Variants in RBFOX3 observed in about 807,000 individuals in gnomAD.
RBFOX3 encodes the protein RNA binding protein fox-1 homolog 3.
In RBFOX3, 17 loss-of-function variants were observed where a neutral mutation model predicts 48.7. The ratio of observed to expected loss-of-function variants is 0.35; its 90% confidence interval spans 0.24 to 0.52. The LOEUF (loss-of-function observed/expected upper bound fraction) is 0.52. Among genes scored for constraint, RBFOX3 ranks in the 20% least tolerant of loss-of-function variants. The probability of loss-of-function intolerance (pLI) is 0.94; values close to 1 mark genes in which losing one functional copy is unlikely to be tolerated. For synonymous variants in RBFOX3, 212 were observed against 209.5 expected (o/e 1.01, Z -0.10); for missense variants, 382 against 497.5 (o/e 0.77, Z 2.21).
At chr17:79,165,992 T>C (rs1442170269) in intron 4 of RBFOX3, among the ~76,000 whole-genome samples, 2 of 152,326 alleles carry the variant, frequency 1.3e-5, no homozygotes, top group East Asian at 3.9e-4. Flanking sequence ...GGGAGGGATG[T>C]GTCCACAGGC....
chr17:79,149,444 T>C (rs989758199), intron 4 of RBFOX3, among the ~76,000 whole-genome samples: 5 of 152,118 alleles, frequency 3.3e-5, no homozygotes, highest in Non-Finnish European at 5.9e-5. Context: ...CGGGCATTGC[T>C]GTCCTGGGGG....
At chr17:79,169,481 AC>A (rs1297170954) in intron 4 of RBFOX3, among the ~76,000 whole-genome samples, 2 of 151,568 alleles carry the variant, frequency 1.3e-5, no homozygotes, top group Non-Finnish European at 3.0e-5. Flanking sequence ...CACACACCCC[AC>A]CCAGGACCCA....
chr17:79,370,425 C>A (rs1418059531), intron 2 of RBFOX3, among the ~76,000 whole-genome samples: 1 of 152,222 alleles, frequency 6.6e-6, no homozygotes. Context: ...CACATGCTCA[C>A]ATACACATGC....
At chr17:79,217,320 G>A (rs544465052) in intron 4 of RBFOX3, among the ~76,000 whole-genome samples, 13 of 152,298 alleles carry the variant, frequency 8.5e-5, no homozygotes, top group African/African-American at 2.9e-4. Flanking sequence ...ATGTTCACTC[G>A]AGGATGGGAG....
intron 9 of RBFOX3, chr17:79,097,958 C>G (rs1224804917): frequency 3.4e-6 from 2 of 588,650 alleles, no homozygotes; most frequent in African/African-American, 3.7e-5. Context: ...GCCTGGGGGT[C>G]TGCTAGGATT....
At chr17:79,187,172 A>G (rs570663799) in intron 4 of RBFOX3, among the ~76,000 whole-genome samples, 8 of 152,166 alleles carry the variant, frequency 5.3e-5, no homozygotes, top group Non-Finnish European at 1.2e-4. Context: ...TTGGGGGAGT[A>G]TTTCTTTTGA....
At chr17:79,219,221 G>A (rs1015426959) in intron 4 of RBFOX3, among the ~76,000 whole-genome samples, 1 of 152,200 alleles carries the variant, frequency 6.6e-6, no homozygotes, top group African/African-American at 2.4e-5. Context: ...CGGATGTGGG[G>A]TTGCCCCTGC....
rs139210115 is a variant in RBFOX3 at position 79,167,695 on chromosome 17, C to T, written c.-33-51947G>A. ...GTGGGTCCCCTGCAGTCCCGCCACC[C>T]GTCTAGATTCCTCGCTTTAAATTCT... On this transcript the variant is annotated intron_variant, in intron 4 of 14. Transcript: ENST00000693108. Among the ~76,000 whole-genome samples, 441 of 152,334 alleles carry T rather than the reference C, an allele frequency of 2.9e-3. 2 individuals carry two copies. The highest frequency in any genetic ancestry group is 0.01 in the African/African-American group (427 of 41,578).
chr17:79,515,601 T>C (rs1386818958), intron 1 of RBFOX3, among the ~76,000 whole-genome samples: 3 of 152,210 alleles, frequency 2.0e-5, no homozygotes, highest in Admixed American at 6.5e-5. Context: ...TGAGGATGTT[T>C]TCTCTTCCCT....
At chr17:79,430,886 C>T (rs985528427) in intron 2 of RBFOX3, among the ~76,000 whole-genome samples, 6 of 152,222 alleles carry the variant, frequency 3.9e-5, no homozygotes, top group African/African-American at 9.6e-5. Context: ...AAAAGACTGT[C>T]ATAAGATCAC....
intron 2 of RBFOX3, among the ~76,000 whole-genome samples, chr17:79,340,604 C>T (rs1206554843): frequency 1.3e-5 from 2 of 152,124 alleles, no homozygotes; most frequent in South Asian, 2.1e-4. Flanking sequence ...TAAAGGCAAC[C>T]CACATGCTTG....
chr17:79,106,088 A>G (rs1235494460), intron 6 of RBFOX3, among the ~76,000 whole-genome samples: 1 of 152,180 alleles, frequency 6.6e-6, no homozygotes, highest in Non-Finnish European at 1.5e-5. Flanking sequence ...CAGGGGCTTC[A>G]CTTCCCATTG....
chr17:79,093,845 G>T (rs1286425744), intron 14 of RBFOX3, among the ~76,000 whole-genome samples: 1 of 149,650 alleles, frequency 6.7e-6, no homozygotes, highest in Non-Finnish European at 1.5e-5. Flanking sequence ...GCCACGCCGC[G>T]CACCTCCCCG....
rs2058817720 is a variant in RBFOX3 at position 79,214,854 on chromosome 17, A to G, written c.-34+20912T>C. 1.3e-5 allele frequency among the ~76,000 whole-genome samples: 2 copies of G among 152,130 alleles called. No individual in the cohort carries two copies. Among genetic ancestry groups the G allele is most frequent in the Admixed American group, 6.5e-5 (1 of 15,278 alleles). ...TCCAGGGCAAACTTTAAAAAACATA[A>G]TATTTATAGAAAGCCTCATTCAGCT... On this transcript the variant is annotated intron_variant, in intron 4 of 14. Coordinates refer to ENST00000693108, the MANE Select transcript of RBFOX3 (RefSeq NM_001350451.2). This position sits in a 1 kb window ranked among gnomAD's most constrained non-coding sequence, Gnocchi z 4.7.
intron 4 of RBFOX3, among the ~76,000 whole-genome samples, chr17:79,196,091 G>C (rs1393457494): frequency 6.6e-6 from 1 of 152,180 alleles, no homozygotes; most frequent in Non-Finnish European, 1.5e-5. Flanking sequence ...TCGTTGGATG[G>C]AGAAGCTGAA....
At chr17:79,306,749 C>T (rs535598710) in intron 3 of RBFOX3, among the ~76,000 whole-genome samples, 118 of 152,322 alleles carry the variant, frequency 7.7e-4, no homozygotes, top group African/African-American at 2.6e-3. Flanking sequence ...CCACCTGAGC[C>T]AACCTCCTAG....
At chr17:79,573,775 C>T (rs1254471719) in intron 1 of RBFOX3, among the ~76,000 whole-genome samples, 2 of 152,220 alleles carry the variant, frequency 1.3e-5, no homozygotes, top group Non-Finnish European at 2.9e-5. Flanking sequence ...CCTCCAATCT[C>T]CATCCTACTT....
Position 79,128,302 on chromosome 17 carries a change from G to A in RBFOX3, c.-33-12554C>T, listed in dbSNP as rs371736621. Among the ~76,000 whole-genome samples, 152 of 152,044 alleles carry A rather than the reference G, an allele frequency of 1.0e-3. 4 individuals are homozygous for A. The East Asian group carries it at 0.023, about 23-fold the overall frequency. On this transcript the variant is annotated intron_variant, in intron 4 of 14. Transcript: ENST00000693108. ...TAGAGAGGATCCCCCATGTGTGGATGAGGGGGGGACTTTGCTTCCCAGAAG... is the reference window on the plus strand; with the variant it reads ...TAGAGAGGATCCCCCATGTGTGGATAAGGGGGGGACTTTGCTTCCCAGAAG...
At chr17:79,125,621 G>T (rs1457279968) in intron 4 of RBFOX3, among the ~76,000 whole-genome samples, 1 of 152,220 alleles carries the variant, frequency 6.6e-6, no homozygotes, top group African/African-American at 2.4e-5. Context: ...CCTCCCGCAC[G>T]GCCTGGCCGC....
Sources: allele counts gnomAD v4.1 joint callset (sites outside exome capture counted in the v4.1 genomes callset), GRCh38; gene constraint gnomAD v4.1.1; non-coding constraint Gnocchi (gnomAD v3.1); transcripts MANE v1.5; gene names NCBI Gene and HGNC (gene_info 2026-07-23, HGNC 2026-07-21).